FLVCR1: variants seen among roughly 807,000 people sequenced by gnomAD.
The protein encoded by FLVCR1 is FLVCR choline and heme transporter 1.
A neutral mutation model predicts 53.6 loss-of-function variants in FLVCR1; 34 were observed. The observed-to-expected ratio is 0.63, with a 90% CI of 0.48 to 0.84. The LOEUF is 0.84. Ranked by LOEUF, FLVCR1 falls within the 40% of genes least tolerant of loss-of-function variation. FLVCR1 has a pLI of 0.00. For synonymous variants in FLVCR1, 300 were observed against 286.3 expected, an observed-to-expected ratio of 1.05 and a Z score of -0.48; for missense variants, 677 against 696.7, an observed-to-expected ratio of 0.97 and a Z score of 0.32.
intron 2 of FLVCR1, among the ~76,000 whole-genome samples, chr1:212,865,877 G>A (rs1453470553): frequency 2.8e-5 from 4 of 141,216 alleles, no homozygotes; most frequent in African/African-American, 1.0e-4. Context: ...GGGCAGTGGC[G>A]CTATCTGGAC....
intron 3 of FLVCR1, among the ~76,000 whole-genome samples, chr1:212,879,971 A>G (rs947833668): frequency 1.2e-5 from 1 of 85,288 alleles, no homozygotes; most frequent in Non-Finnish European, 2.8e-5. Context: ...CAGATAACAT[A>G]GTATTTTTTT....
In FLVCR1 at chr1:212,859,120, G is replaced by A; in HGVS notation, c.668G>A (p.Arg223His). 1 of 1,613,924 alleles carries A rather than the reference G, an allele frequency of 6.2e-7. No individual in the cohort carries two copies. The highest frequency in any genetic ancestry group is 8.5e-7 in the Non-Finnish European group (1 of 1,180,022). The change falls in exon 1 of 10, where the codon CGC (arginine) becomes CAC (histidine). Residue 223 changes from arginine to histidine, a missense_variant. Physicochemically the swap from Arg to His is conservative, Grantham distance 29. Transcript: ENST00000366971. The part of the protein sequence containing the change: ...AQVFILGLPS[R>H]IASVWFGPKE... ...GTGTTCATCCTGGGCTTGCCCTCCC[G>A]CATCGCCTCAGTGTGGTTTGGGCCC... is the stretch of plus-strand genomic sequence containing the variant.
At chr1:212,891,913 C>T (rs939742062) in intron 8 of FLVCR1, among the ~76,000 whole-genome samples, 2 of 152,156 alleles carry the variant, frequency 1.3e-5, no homozygotes, top group African/African-American at 2.4e-5. Flanking sequence ...GATAAAACAG[C>T]CTATTGATAT....
chr1:212,863,183 C>G (rs999590363), intron 1 of FLVCR1, among the ~76,000 whole-genome samples: 1 of 152,204 alleles, frequency 6.6e-6, no homozygotes, highest in Non-Finnish European at 1.5e-5. Context: ...TATTACACAG[C>G]TTTATAATAG....
intron 3 of FLVCR1, among the ~76,000 whole-genome samples, chr1:212,883,111 A>G (rs1572023533): frequency 6.6e-6 from 1 of 152,304 alleles, no homozygotes; most frequent in South Asian, 2.1e-4. Flanking sequence ...GTATATCTCA[A>G]TCTAAATAAT....
At chr1:212,885,179 T>C (rs1665026485) in intron 4 of FLVCR1, 114 bp from the exon 5 acceptor site, 1 of 779,662 alleles carries the variant, frequency 1.3e-6, no homozygotes, top group Admixed American at 1.9e-5. Context: ...CTTCCTACTG[T>C]GTGCTTAGTT....
chr1:212,862,887 G>A (rs369997997), intron 1 of FLVCR1, among the ~76,000 whole-genome samples: 1 of 152,192 alleles, frequency 6.6e-6, no homozygotes, highest in Non-Finnish European at 1.5e-5. Context: ...GCTACCTGGT[G>A]TGGAGTGGTA....
At chr1:212,860,686 A>G (rs907524601) in intron 1 of FLVCR1, among the ~76,000 whole-genome samples, 16 of 152,012 alleles carry the variant, frequency 1.1e-4, no homozygotes, top group Non-Finnish European at 1.5e-5. Flanking sequence ...CTTTTCTCTT[A>G]TCCCCACCAT....
intron 1 of FLVCR1, among the ~76,000 whole-genome samples, chr1:212,862,056 C>T (rs1404835404): frequency 6.6e-6 from 1 of 152,100 alleles, no homozygotes; most frequent in Non-Finnish European, 1.5e-5. Context: ...GGCCCTTCCT[C>T]CTCACGCCCT....
intron 4 of FLVCR1, among the ~76,000 whole-genome samples, chr1:212,885,039 T>C (rs1265170431): frequency 6.6e-6 from 1 of 152,234 alleles, no homozygotes; most frequent in Non-Finnish European, 1.5e-5. Context: ...CTTCTAACCA[T>C]AGAGGATTAA....
At position 212,858,959 on chromosome 1, in the gene FLVCR1, C is replaced by T. The variant is rs751107051; in HGVS notation, c.507C>T (p.Asp169=). 3.1e-6 allele frequency: 5 copies of T among 1,614,184 alleles called. No homozygotes were observed. The highest frequency in any genetic ancestry group is 1.6e-4 in the Middle Eastern group (1 of 6,062). Reference sequence around the variant, plus strand: ...TCTTCCCGGCCACCTGGCTGCTGGACACCAGAGGCCTGCGGCTCACCGCCC... The same window carrying T: ...TCTTCCCGGCCACCTGGCTGCTGGATACCAGAGGCCTGCGGCTCACCGCCC... The part of the protein sequence containing the change: ...PLIFPATWLL[D]TRGLRLTALL... The change falls in exon 1 of 10, where the codon GAC becomes GAT. Residue 169 remains aspartate, a synonymous_variant. Coordinates refer to ENST00000366971, the MANE Select transcript of FLVCR1 (RefSeq NM_014053.4).
rs962234973 is a variant in FLVCR1 at position 212,898,844 on chromosome 1, A to C, written c.*3554A>C. The C allele has an allele frequency of 2.6e-5, 4 of 152,238 alleles. No homozygotes were observed. The highest frequency in any genetic ancestry group is 5.9e-5 in the Non-Finnish European group (4 of 68,048). The allele number at this position is 152,238 out of a possible 1,614,324, so 9.4% of individuals were successfully genotyped here. A position where few individuals can be genotyped will look rare whatever the true frequency, so the allele number is the denominator to read the frequency against. ...TCGCTTCTGGGCTACAGACCTGTAC[A>C]GCATGGTACTGTATTGAATACTGTA... On this transcript the variant is annotated 3_prime_UTR_variant, in exon 10 of 10. Coordinates refer to ENST00000366971, the MANE Select transcript of FLVCR1 (RefSeq NM_014053.4).
At chr1:212,876,380 T>C (rs927923080) in intron 3 of FLVCR1, among the ~76,000 whole-genome samples, 1 of 151,920 alleles carries the variant, frequency 6.6e-6, no homozygotes, top group African/African-American at 2.4e-5. Context: ...TTCTTTTTTT[T>C]TTTTTTGAGA....
intron 2 of FLVCR1, among the ~76,000 whole-genome samples, chr1:212,866,248 G>A (rs1486998785): frequency 3.9e-5 from 6 of 152,200 alleles, no homozygotes; most frequent in African/African-American, 1.4e-4. Context: ...GCCTCCCAAA[G>A]TGCTGGAATT....
chr1:212,889,166 A>G lies in FLVCR1; in HGVS notation c.1434A>G (p.Thr478=), dbSNP rs750520623. The stretch of plus-strand genomic sequence containing the variant: ...TTTAGATATTTGGAATTTTGTTCAC[A>G]TTGGCTCAAGGAAAGCTCACATCAG... ...ASAQIFGILF[T]LAQGKLTSDY... The change falls in exon 8 of 10, where the codon ACA becomes ACG. Residue 478 remains threonine, a synonymous_variant. Transcript: ENST00000366971. 3 of 1,612,472 alleles carry G rather than the reference A, an allele frequency of 1.9e-6. No individual in the cohort carries two copies. Among genetic ancestry groups the G allele is most frequent in the Non-Finnish European group, 2.5e-6 (3 of 1,178,678 alleles).
At chr1:212,868,803 C>A (rs1472674297) in intron 2 of FLVCR1, among the ~76,000 whole-genome samples, 1 of 151,936 alleles carries the variant, frequency 6.6e-6, no homozygotes, top group Non-Finnish European at 1.5e-5. Flanking sequence ...AAATATTCCT[C>A]AAAAAAAGAC....
At chr1:212,889,296 A>G in intron 8 of FLVCR1, 39 bp downstream of exon 8, 1 of 1,282,392 alleles carries the variant, frequency 7.8e-7, no homozygotes, top group Non-Finnish European at 1.1e-6. Flanking sequence ...GACTTGTGTC[A>G]TGTGTTAATT....
At chr1:212,869,035 C>T (rs1016761333) in intron 2 of FLVCR1, among the ~76,000 whole-genome samples, 2 of 152,064 alleles carry the variant, frequency 1.3e-5, no homozygotes, top group Non-Finnish European at 2.9e-5. Flanking sequence ...GTAATATATG[C>T]CTGAATCACA....
intron 3 of FLVCR1, among the ~76,000 whole-genome samples, chr1:212,875,341 C>T (rs953518697): frequency 2.0e-5 from 3 of 152,170 alleles, no homozygotes; most frequent in Non-Finnish European, 4.4e-5. Context: ...TGAGGCCTAT[C>T]ATTGAGAAAG....
Sources: allele counts gnomAD v4.1 joint callset (sites outside exome capture counted in the v4.1 genomes callset), GRCh38; gene constraint gnomAD v4.1.1; transcripts MANE v1.5; gene names NCBI Gene and HGNC (gene_info 2026-07-23, HGNC 2026-07-21).